Variants in GABRG2 observed in about 807,000 individuals in gnomAD.
GABRG2 encodes the protein gamma-aminobutyric acid receptor subunit gamma-2.
In GABRG2, 16 loss-of-function variants were observed where a neutral mutation model predicts 56.4. That is an observed-to-expected ratio of 0.28 (90% CI 0.19 to 0.43). The LOEUF is 0.43. Among genes scored for constraint, GABRG2 ranks in the 20% least tolerant of loss-of-function variants. GABRG2 has a pLI of 1.00. For synonymous variants in GABRG2, 208 were observed against 205.5 expected (o/e 1.01, Z -0.10); for missense variants, 327 against 582.7 (o/e 0.56, Z 4.52).
chr5:162,086,264 ATCT>A (rs1225822123), intron 1 of GABRG2, among the ~76,000 whole-genome samples: 1 of 152,042 alleles, frequency 6.6e-6, no homozygotes, highest in African/African-American at 2.4e-5. Flanking sequence ...CAAATATTGA[ATCT>A]TCTTTTAAAA....
intron 6 of GABRG2, among the ~76,000 whole-genome samples, chr5:162,124,241 G>A (rs1320447567): frequency 4.0e-5 from 6 of 151,790 alleles, no homozygotes; most frequent in Admixed American, 2.0e-4. Flanking sequence ...GAGTCCAATT[G>A]GCAACACCAT....
chr5:162,074,392 G>A (rs998152143), intron 1 of GABRG2, among the ~76,000 whole-genome samples: 9 of 152,052 alleles, frequency 5.9e-5, no homozygotes, highest in Admixed American at 5.2e-4. Context: ...GAGAAAACAA[G>A]GGTTGTTTTA....
intron 6 of GABRG2, among the ~76,000 whole-genome samples, chr5:162,126,524 C>T (rs1763352214): frequency 6.6e-6 from 1 of 151,964 alleles, no homozygotes; most frequent in Admixed American, 6.6e-5. Flanking sequence ...GATGTTATCC[C>T]AGCATGAGGT....
In GABRG2 at chr5:162,153,719, G is replaced by A. The variant is rs1765535463; in HGVS notation, c.*351G>A. Reference sequence around the variant, plus strand: ...ACTAGATTCATAATGCAATTAGATAGAAAAGGTCCAAAACTGTACCCTATG... The same window carrying A: ...ACTAGATTCATAATGCAATTAGATAAAAAAGGTCCAAAACTGTACCCTATG... On this transcript the variant is annotated 3_prime_UTR_variant, in exon 10 of 10. Transcript: ENST00000639213. 2.9e-6 allele frequency: 1 copy of A among 350,790 alleles called. No individual in the cohort carries two copies. The highest frequency in any genetic ancestry group is 5.4e-6 in the Non-Finnish European group (1 of 185,320). The allele number at this position is 350,790 out of a possible 1,614,324, so 21.7% of individuals were successfully genotyped here.
Position 162,067,829 on chromosome 5 carries a change from C to T in GABRG2, c.-171C>T. ...CGTTTTTGCTGATCTTATCTCTGCC[C>T]CCTGAATATTAATTCCCTAATCTGG... On this transcript the variant is annotated 5_prime_UTR_variant, in exon 1 of 10. Transcript: ENST00000639213. 3 of 640,252 alleles carry T rather than the reference C, an allele frequency of 4.7e-6. No homozygotes were observed. The highest frequency in any genetic ancestry group is 5.2e-5 in the Admixed American group (2 of 38,426). The allele number at this position is 640,252 out of a possible 1,614,324, so 39.7% of individuals were successfully genotyped here. A position where few individuals can be genotyped will look rare whatever the true frequency, so the allele number is the denominator to read the frequency against.
intron 6 of GABRG2, among the ~76,000 whole-genome samples, chr5:162,125,607 G>C (rs1011668709): frequency 6.6e-6 from 1 of 151,778 alleles, no homozygotes; most frequent in African/African-American, 2.4e-5. Context: ...AGACACGTCA[G>C]TTGTCCAAAG....
At chr5:162,149,512 G>C (rs1765207037) in intron 8 of GABRG2, 199 bp downstream of exon 8, 3 of 742,608 alleles carry the variant, frequency 4.0e-6, no homozygotes, top group Admixed American at 3.7e-5. Flanking sequence ...TCTATTTTCT[G>C]TGTCAGAGTT....
intron 6 of GABRG2, among the ~76,000 whole-genome samples, chr5:162,110,935 G>A (rs1413774545): frequency 6.6e-6 from 1 of 152,006 alleles, no homozygotes; most frequent in Non-Finnish European, 1.5e-5. Context: ...AATAGAGCTG[G>A]GCCTAGAGCA....
chr5:162,090,070 AT>A (rs2113268410), intron 1 of GABRG2, among the ~76,000 whole-genome samples: 1 of 152,216 alleles, frequency 6.6e-6, no homozygotes, highest in Admixed American at 6.6e-5. Context: ...AATAAGATTG[AT>A]TTTTACTTCT....
chr5:162,106,772 T>A (rs935305249), intron 6 of GABRG2, among the ~76,000 whole-genome samples: 4 of 152,216 alleles, frequency 2.6e-5, no homozygotes, highest in African/African-American at 4.8e-5. Flanking sequence ...AAGTAGTGAC[T>A]GTACTTCTGA....
At chr5:162,101,648 A>G (rs1166051832) in intron 5 of GABRG2, 1 of 323,436 alleles carries the variant, frequency 3.1e-6, no homozygotes, top group Non-Finnish European at 5.9e-6. Context: ...ATCTTTAATT[A>G]TATATCCTCT....
intron 1 of GABRG2, among the ~76,000 whole-genome samples, chr5:162,084,725 G>T (rs1161502492): frequency 6.6e-6 from 1 of 151,788 alleles, no homozygotes; most frequent in African/African-American, 2.4e-5. Flanking sequence ...GAAATACAAA[G>T]TATTTCCTAC....
intron 6 of GABRG2, among the ~76,000 whole-genome samples, chr5:162,112,613 G>T (rs867922988): frequency 2.0e-5 from 3 of 151,958 alleles, no homozygotes; most frequent in Admixed American, 6.6e-5. Context: ...ACTGGAAATG[G>T]GCAGCAAATA....
intron 4 of GABRG2, chr5:162,099,803 C>T (rs1175637326): frequency 1.3e-5 from 2 of 152,132 alleles, no homozygotes; most frequent in Non-Finnish European, 2.9e-5. Flanking sequence ...TACCAGTCTA[C>T]ATAGAGAGAT....
At chr5:162,141,238 C>G (rs1214126332) in intron 6 of GABRG2, among the ~76,000 whole-genome samples, 2 of 152,100 alleles carry the variant, frequency 1.3e-5, no homozygotes, top group African/African-American at 4.8e-5. Flanking sequence ...GGGGTTTCAC[C>G]GTGTTAGCCA....
rs375785093 is a variant in GABRG2 at position 162,153,129 on chromosome 5, A to G, written c.1189A>G (p.Ile397Val). The G allele has an allele frequency of 5.6e-5, 90 of 1,613,918 alleles. No homozygotes were observed. Among genetic ancestry groups the G allele is most frequent in the Non-Finnish European group, 7.5e-5 (88 of 1,179,958 alleles). ...TGATATCCGCCCAAGATCAGCAACC[A>G]TTCAAATGAATAATGCTACACACCT... Reference protein sequence around the residue: ...TIDIRPRSATIQMNNATHLQE... With the variant: ...TIDIRPRSATVQMNNATHLQE... Residue 397 changes from isoleucine to valine, a missense_variant, in exon 10 of 10, where the codon ATT becomes GTT. By Grantham distance (29) the Ile-to-Val change is conservative. Coordinates refer to ENST00000639213, the MANE Select transcript of GABRG2 (RefSeq NM_198904.4).
In GABRG2 at chr5:162,151,742, T is replaced by C. The variant is rs199574539; in HGVS notation, c.1141T>C (p.Phe381Leu). 6.2e-7 allele frequency: 1 copy of C among 1,611,832 alleles called. No homozygotes were observed. The highest frequency in any genetic ancestry group is 2.2e-5 in the East Asian group (1 of 44,714). Residue 381 changes from phenylalanine to leucine, a missense_variant, in exon 9 of 10, where the codon TTT becomes CTT. Phe to Leu is a conservative substitution (Grantham distance 22). Around this residue, in one of 4 missense-constraint regions of GABRG2, gnomAD observed 108 missense variants for 144.2 expected, o/e 0.75. Transcript: ENST00000639213. ...TACAAACCCAAAGCTTCTTCGGATG[T>C]TTTCCTTCAAGGTATAATGTTTTTG... The part of the protein sequence containing the change: ...KKKKNPLLRM[F>L]SFKAPTIDIR...
chr5:162,149,404 A>G, intron 8 of GABRG2, 91 bp downstream of exon 8: 1 of 1,245,650 alleles, frequency 8.0e-7, no homozygotes, highest in South Asian at 1.2e-5. Flanking sequence ...AAGGCTCAGC[A>G]GTTTGGGCTC....
At chr5:162,093,259 A>G (rs1436701242) in intron 1 of GABRG2, among the ~76,000 whole-genome samples, 1 of 152,104 alleles carries the variant, frequency 6.6e-6, no homozygotes, top group Non-Finnish European at 1.5e-5. Context: ...CTTTGCCTTC[A>G]GTGCAAGTGA....
Sources: gnomAD v4.1 joint callset for allele counts (sites outside exome capture counted in the v4.1 genomes callset) on GRCh38, gnomAD v4.1.1 for gene constraint, gnomAD v4.1.1 regional missense constraint, MANE v1.5 for transcripts, NCBI Gene and HGNC (gene_info 2026-07-23, HGNC 2026-07-21) for gene names.